Variants in UACA observed in about 807,000 individuals in gnomAD.
The protein encoded by UACA is nuclear membrane binding protein.
Under a neutral mutation model 160.5 loss-of-function variants are expected in UACA, and 112 were observed. That is an observed-to-expected ratio of 0.70 (90% CI 0.60 to 0.82). The LOEUF (loss-of-function observed/expected upper bound fraction) is 0.82, where lower values mean the gene tolerates loss of function less well. UACA is among the 40% of genes least tolerant of loss of function. The pLI, the probability that UACA is intolerant of heterozygous loss-of-function variation, is 0.00. For synonymous variants in UACA, 557 were observed against 568.4 expected (o/e 0.98, Z 0.29); for missense variants, 1,574 against 1,614.6 (o/e 0.97, Z 0.43).
chr15:70,664,966 AT>A (rs1453289718), intron 16 of UACA, 152 bp from the exon 17 acceptor site: 6 of 558,820 alleles, frequency 1.1e-5, no homozygotes, highest in Non-Finnish European at 1.8e-5. Flanking sequence ...GTTACCAAGG[AT>A]GTATACAATA....
intron 1 of UACA, chr15:70,758,745 G>A (rs901942124): frequency 4.2e-4 from 64 of 152,284 alleles, no homozygotes; most frequent in African/African-American, 1.5e-3. Flanking sequence ...ATTATAGCAA[G>A]ATGCTTTAAA....
the UACA span, among the ~76,000 whole-genome samples, chr15:70,776,383 G>A: frequency 2.6e-5 from 4 of 151,196 alleles, no homozygotes; most frequent in South Asian, 2.1e-4. Flanking sequence ...TGTTTTCCTC[G>A]GATATATCCA....
chr15:70,778,501 T>C, the UACA span, among the ~76,000 whole-genome samples: 1 of 152,198 alleles, frequency 6.6e-6, no homozygotes, highest in Admixed American at 6.5e-5. Context: ...TCTGACCATG[T>C]TTCCACAGTC....
chr15:70,693,828 T>A (rs1279997958), intron 3 of UACA, among the ~76,000 whole-genome samples: 1 of 152,136 alleles, frequency 6.6e-6, no homozygotes, highest in African/African-American at 2.4e-5. Flanking sequence ...GTAAGGTTAG[T>A]CCAAAATTTC....
chr15:70,720,979 G>A (rs571988085), intron 1 of UACA, among the ~76,000 whole-genome samples: 3 of 152,178 alleles, frequency 2.0e-5, no homozygotes, highest in Non-Finnish European at 2.9e-5. Flanking sequence ...CTGGATCTTA[G>A]GATGAAAATG....
intron 9 of UACA, 45 bp downstream of exon 9, chr15:70,682,713 A>T: frequency 8.0e-7 from 1 of 1,255,856 alleles, no homozygotes; most frequent in Non-Finnish European, 1.1e-6. Context: ...AGCACTTTAA[A>T]CTATACAATA....
intron 3 of UACA, among the ~76,000 whole-genome samples, chr15:70,692,342 G>A (rs1392285355): frequency 1.3e-5 from 2 of 151,978 alleles, no homozygotes; most frequent in African/African-American, 4.8e-5. Context: ...GTTTAATTTT[G>A]TGTAGAGACA....
At chr15:70,684,521 T>C (rs775510298) in intron 7 of UACA, 75 bp from the exon 8 acceptor site, 2 of 1,443,720 alleles carry the variant, frequency 1.4e-6, no homozygotes, top group East Asian at 2.3e-5. Flanking sequence ...TGCCCTATTG[T>C]TGAACACTGT....
chr15:70,678,236 G>A (rs1421670442), intron 10 of UACA, 30 bp from the exon 11 acceptor site: 2 of 1,545,234 alleles, frequency 1.3e-6, no homozygotes, highest in African/African-American at 1.4e-5. Context: ...AAGGTGCCAG[G>A]CCAATCTTAA....
chr15:70,736,660 C>T (rs750921361), intron 1 of UACA, among the ~76,000 whole-genome samples: 1 of 152,060 alleles, frequency 6.6e-6, no homozygotes, highest in East Asian at 1.9e-4. Context: ...AGGCTGGTCT[C>T]GAACTCCTGA....
the UACA span, among the ~76,000 whole-genome samples, chr15:70,769,012 C>T: frequency 6.6e-6 from 1 of 152,088 alleles, no homozygotes; most frequent in East Asian, 1.9e-4. Context: ...CCATCACAAC[C>T]TTTGCTACTC....
intron 14 of UACA, chr15:70,671,652 A>G (rs1897144612): frequency 5.0e-6 from 1 of 198,100 alleles, no homozygotes; most frequent in African/African-American, 2.3e-5. Flanking sequence ...TGTTCTTTCC[A>G]TAAAAAAATG....
chr15:70,751,326 A>G (rs890524911), intron 1 of UACA, among the ~76,000 whole-genome samples: 1 of 152,248 alleles, frequency 6.6e-6, no homozygotes, highest in Non-Finnish European at 1.5e-5. Flanking sequence ...AAAGGGCTAA[A>G]GCAGGTGGAC....
At chr15:70,687,249 C>T (rs1185457576) in intron 7 of UACA, among the ~76,000 whole-genome samples, 1 of 152,188 alleles carries the variant, frequency 6.6e-6, no homozygotes, top group Non-Finnish European at 1.5e-5. Flanking sequence ...GCTTAAAACA[C>T]CTGGGATGTA....
intron 13 of UACA, among the ~76,000 whole-genome samples, chr15:70,675,670 T>C (rs1023683362): frequency 1.3e-5 from 2 of 152,240 alleles, no homozygotes; most frequent in Non-Finnish European, 2.9e-5. Flanking sequence ...TCTGTGAGAT[T>C]CATACATGTT....
At position 70,703,477 on chromosome 15, in the gene UACA, GT is replaced by G. The variant is rs1161914550; in HGVS notation, c.79-3818del. Among the ~76,000 whole-genome samples the G allele has an allele frequency of 2.6e-5, 4 of 152,154 alleles. No homozygotes were observed. In the East Asian group the frequency reaches 7.7e-4, roughly 29 times the overall value. The stretch of plus-strand genomic sequence containing the variant: ...ATATCTCATTTTTGAAACAATGATT[GT>G]TTTTTCCCCCAAACCACGAGATATC... On this transcript the variant is annotated intron_variant, in intron 1 of 18. Transcript: ENST00000322954.
the UACA span, among the ~76,000 whole-genome samples, chr15:70,774,547 A>G: frequency 3.4e-5 from 5 of 146,900 alleles, no homozygotes; most frequent in South Asian, 2.1e-4. Context: ...CTCTGTCTCA[A>G]AAAAAAAAAA....
intron 1 of UACA, among the ~76,000 whole-genome samples, chr15:70,728,563 C>CA (rs1213851064): frequency 0.03 from 2,637 of 87,616 alleles, 103 homozygotes; most frequent in African/African-American, 0.098. Context: ...AACCCCATCT[C>CA]AAAAAAAAAA....
intron 1 of UACA, among the ~76,000 whole-genome samples, chr15:70,741,595 G>A (rs578112318): frequency 1.3e-5 from 2 of 152,246 alleles, no homozygotes; most frequent in Admixed American, 1.3e-4. Context: ...TTAAGCATGT[G>A]TATTCACAAT....
Sources: allele counts gnomAD v4.1 joint callset (sites outside exome capture counted in the v4.1 genomes callset), GRCh38; gene constraint gnomAD v4.1.1; transcripts MANE v1.5; gene names NCBI Gene and HGNC (gene_info 2026-07-23, HGNC 2026-07-21).